COX10: variants seen among roughly 807,000 people sequenced by gnomAD.
The protein encoded by COX10 is cytochrome c oxidase assembly factor heme A:farnesyltransferase COX10.
In COX10, 27 loss-of-function variants were observed where a neutral mutation model predicts 37.3. The observed-to-expected ratio is 0.72, with a 90% CI of 0.53 to 1.00. The LOEUF (loss-of-function observed/expected upper bound fraction) is 1.00. COX10 is among the 50% of genes least tolerant of loss of function. The pLI is 0.00. For synonymous variants in COX10, 222 were observed against 229.1 expected, an observed-to-expected ratio of 0.97 and a Z score of 0.28; for missense variants, 475 against 563.2, an observed-to-expected ratio of 0.84 and a Z score of 1.59.
At chr17:14,188,102 C>CTT (rs1157321131) in intron 5 of COX10, among the ~76,000 whole-genome samples, 6,896 of 123,536 alleles carry the variant, frequency 0.056, 283 homozygotes, top group African/African-American at 0.067. Context: ...CCTTCTTCTT[C>CTT]TTTTTTTTTT....
chr17:14,201,756 C>T (rs1906546556), intron 6 of COX10, among the ~76,000 whole-genome samples: 1 of 152,158 alleles, frequency 6.6e-6, no homozygotes, highest in Non-Finnish European at 1.5e-5. Context: ...AGACACTTCC[C>T]CCGTGCTTGT....
chr17:14,206,883 T>G lies in COX10; in HGVS notation c.1002T>G (p.Arg334=). The change falls in exon 7 of 7, where the codon CGT becomes CGG. Residue 334 remains arginine, a synonymous_variant. Coordinates refer to ENST00000261643, the MANE Select transcript of COX10 (RefSeq NM_001303.4). ...PHFNALSWGL[R]EDYSRGGYCM... ...TCAACGCCCTGAGCTGGGGCCTCCG[T>G]GAAGACTACTCCCGGGGCGGCTACT... 2 of 1,614,104 alleles carry G rather than the reference T, an allele frequency of 1.2e-6. No individual in the cohort carries two copies. Among genetic ancestry groups the G allele is most frequent in the Non-Finnish European group, 1.7e-6 (2 of 1,179,990 alleles).
intron 3 of COX10, 38 bp from the exon 4 acceptor site, chr17:14,102,080 G>T: frequency 6.2e-7 from 1 of 1,613,230 alleles, no homozygotes; most frequent in South Asian, 1.1e-5. Context: ...TGGGACTCCT[G>T]TTGGTAACAG....
intron 3 of COX10, among the ~76,000 whole-genome samples, chr17:14,084,901 C>A (rs1375661168): frequency 6.6e-6 from 1 of 152,144 alleles, no homozygotes; most frequent in Non-Finnish European, 1.5e-5. Flanking sequence ...CTCAGGTGAT[C>A]CACCTGCCTC....
intron 5 of COX10, among the ~76,000 whole-genome samples, chr17:14,167,014 G>T (rs1408676528): frequency 2.0e-5 from 3 of 152,060 alleles, no homozygotes; most frequent in Non-Finnish European, 4.4e-5. Flanking sequence ...ATTAAAAACT[G>T]TCTGGAAAGG....
intron 5 of COX10, among the ~76,000 whole-genome samples, chr17:14,178,805 C>G (rs1905766294): frequency 6.6e-6 from 1 of 152,090 alleles, no homozygotes; most frequent in Admixed American, 6.5e-5. Flanking sequence ...GTCCCAATTC[C>G]AAATCTTTAT....
intron 3 of COX10, among the ~76,000 whole-genome samples, chr17:14,091,859 A>G (rs186636573): frequency 2.6e-3 from 401 of 151,830 alleles, no homozygotes; most frequent in African/African-American, 9.1e-3. Context: ...TGAAACTGAG[A>G]TAAAGCTTTA....
intron 6 of COX10, among the ~76,000 whole-genome samples, chr17:14,195,467 G>A (rs974384415): frequency 2.6e-5 from 4 of 152,028 alleles, no homozygotes; most frequent in African/African-American, 2.4e-5. Flanking sequence ...TATTTCAAAC[G>A]CGCAAAGGCA....
chr17:14,138,997 T>A (rs1374705552), intron 4 of COX10, among the ~76,000 whole-genome samples: 1 of 152,172 alleles, frequency 6.6e-6, no homozygotes, highest in East Asian at 1.9e-4. Flanking sequence ...ACTTTATTTG[T>A]CTGGGCCTCA....
intron 3 of COX10, among the ~76,000 whole-genome samples, chr17:14,100,486 T>C (rs1915752690): frequency 6.6e-6 from 1 of 152,120 alleles, no homozygotes; most frequent in South Asian, 2.1e-4. Flanking sequence ...ATCAGGAAGG[T>C]TCCCCTTAAC....
intron 3 of COX10, among the ~76,000 whole-genome samples, chr17:14,087,669 AC>A (rs1173533400): frequency 2.0e-5 from 3 of 151,150 alleles, no homozygotes; most frequent in African/African-American, 7.3e-5. Flanking sequence ...AAACGAGGGA[AC>A]TTTTTCTCCG....
At chr17:14,071,987 G>T (rs1366196091) in intron 1 of COX10, among the ~76,000 whole-genome samples, 1 of 152,170 alleles carries the variant, frequency 6.6e-6, no homozygotes, top group East Asian at 1.9e-4. Context: ...TCAGGAGCCA[G>T]TGTTGATGGT....
intron 4 of COX10, among the ~76,000 whole-genome samples, chr17:14,155,115 T>G (rs972488702): frequency 6.6e-6 from 1 of 152,136 alleles, no homozygotes; most frequent in African/African-American, 2.4e-5. Flanking sequence ...TTGAGAAATA[T>G]TATGAAGTCC....
At chr17:14,184,219 C>T (rs984614400) in intron 5 of COX10, among the ~76,000 whole-genome samples, 2 of 152,052 alleles carry the variant, frequency 1.3e-5, no homozygotes, top group Non-Finnish European at 2.9e-5. Context: ...TTCAGTCTTG[C>T]CATTGAAAGA....
chr17:14,135,999 T>C (rs1476834601), intron 4 of COX10, among the ~76,000 whole-genome samples: 2 of 151,944 alleles, frequency 1.3e-5, no homozygotes, highest in African/African-American at 2.4e-5. Context: ...AAATTAAAAA[T>C]AGTAAGTTGG....
intron 6 of COX10, among the ~76,000 whole-genome samples, chr17:14,205,388 T>C (rs1327942243): frequency 6.6e-6 from 1 of 152,196 alleles, no homozygotes; most frequent in Admixed American, 6.5e-5. Context: ...GCTCCTCTTA[T>C]GTGTCTTCAC....
At chr17:14,181,779 A>G (rs1249519612) in intron 5 of COX10, among the ~76,000 whole-genome samples, 1 of 152,166 alleles carries the variant, frequency 6.6e-6, no homozygotes, top group Non-Finnish European at 1.5e-5. Context: ...AGGAATTAGA[A>G]AAACATACTA....
intron 5 of COX10, among the ~76,000 whole-genome samples, chr17:14,162,276 A>G (rs936544203): frequency 3.3e-5 from 5 of 152,248 alleles, no homozygotes; most frequent in Non-Finnish European, 7.3e-5. Flanking sequence ...AGATCATAGA[A>G]GTGAAAATAC....
chr17:14,130,121 T>G (rs1916431274), intron 4 of COX10, among the ~76,000 whole-genome samples: 2 of 152,202 alleles, frequency 1.3e-5, no homozygotes, highest in South Asian at 4.1e-4. Flanking sequence ...AGTGAGGAGT[T>G]TCTGCTCCCA....
Sources: allele counts gnomAD v4.1 joint callset (sites outside exome capture counted in the v4.1 genomes callset), GRCh38; gene constraint gnomAD v4.1.1; transcripts MANE v1.5; gene names NCBI Gene and HGNC (gene_info 2026-07-23, HGNC 2026-07-21).